Variants in MRPL35 observed in about 807,000 individuals in gnomAD.
MRPL35 encodes mitochondrial ribosomal protein L35.
MRPL35 carries 18 observed loss-of-function variants against 21.6 expected under a neutral mutation model. That is an observed-to-expected ratio of 0.83 (90% CI 0.58 to 1.24). The LOEUF (loss-of-function observed/expected upper bound fraction) is 1.24. Among genes scored for constraint, MRPL35 ranks in the 50% most tolerant of loss-of-function variants. MRPL35 has a pLI of 0.00. For missense variants in MRPL35, 223 were observed against 223.2 expected (o/e 1.00, Z 0.01); for synonymous variants, 87 against 86.9 (o/e 1.00, Z -0.01).
At position 86,210,648 on chromosome 2, in the gene MRPL35, C is replaced by T. The variant is rs372740878; in HGVS notation, c.547C>T (p.Arg183Ter). The change falls in exon 4 of 4, where the codon CGA becomes TGA. Residue 183 changes from arginine (R) to a stop codon, truncating the protein, a stop_gained. Coordinates refer to ENST00000337109, the MANE Select transcript of MRPL35 (RefSeq NM_016622.4). LOFTEE classifies it high-confidence loss of function. ...VDDPYQKYHD[R>*]TNLKV The stretch of plus-strand genomic sequence containing the variant: ...TGATCCTTATCAGAAGTATCATGAT[C>T]GAACAAACCTGAAAGTATAGATCAG... The T allele has an allele frequency of 6.8e-6, 11 of 1,611,524 alleles. No homozygotes were observed. Among genetic ancestry groups the T allele is most frequent in the Admixed American group, 5.1e-5 (3 of 59,368 alleles).
Position 86,211,112 on chromosome 2 carries a change from T to A in MRPL35, c.*444T>A. The A allele has an allele frequency of 1.0e-6, 1 of 987,496 alleles. No individual in the cohort carries two copies. 61.2% of individuals were successfully genotyped at this position (987,496 alleles called of 1,614,324 possible). A position where few individuals can be genotyped will look rare whatever the true frequency, so the allele number is the denominator to read the frequency against. ...AAGAGTAGAAATTGGGTGGTGCTCC[T>A]CAGCAGGGGAAGGTGGATGTTTAGG... On this transcript the variant is annotated 3_prime_UTR_variant, in exon 4 of 4. Transcript: ENST00000337109.
At position 86,213,773 on chromosome 2, in the gene MRPL35, T is replaced by A. The variant is rs1673964546; in HGVS notation, c.*3105T>A. The A allele has an allele frequency of 8.2e-7, 1 of 1,214,104 alleles. No homozygotes were observed. The highest frequency in any genetic ancestry group is 1.2e-6 in the Non-Finnish European group (1 of 859,280). 75.2% of individuals were successfully genotyped at this position (1,214,104 alleles called of 1,614,324 possible). ...GCCGATGATTTTTTTAAATGTGAAA[T>A]AAACAGTGATACTTTCAGGTTTGTA... On this transcript the variant is annotated 3_prime_UTR_variant, in exon 4 of 4. Coordinates refer to ENST00000337109, the MANE Select transcript of MRPL35 (RefSeq NM_016622.4).
At chr2:86,199,919 A>G (rs1352777371) in intron 1 of MRPL35, among the ~76,000 whole-genome samples, 3 of 152,210 alleles carry the variant, frequency 2.0e-5, no homozygotes, top group African/African-American at 4.8e-5. Context: ...CTACACCTCT[A>G]AAATGGGGGT....
chr2:86,206,708 T>A (rs970647539), intron 2 of MRPL35, among the ~76,000 whole-genome samples: 4 of 152,178 alleles, frequency 2.6e-5, no homozygotes, highest in Non-Finnish European at 5.9e-5. Flanking sequence ...CACAGCATGC[T>A]TCTGATGTTG....
Position 86,212,310 on chromosome 2 carries a change from G to A in MRPL35, c.*1642G>A. The A allele has an allele frequency of 6.4e-7, 1 of 1,569,008 alleles. No individual in the cohort carries two copies. Among genetic ancestry groups the A allele is most frequent in the Non-Finnish European group, 8.6e-7 (1 of 1,157,482 alleles). On this transcript the variant is annotated 3_prime_UTR_variant, in exon 4 of 4. Coordinates refer to ENST00000337109, the MANE Select transcript of MRPL35 (RefSeq NM_016622.4). ...TCTAAAACCAGAAGTCCAAGTGCGT[G>A]TCTACTTATGGGACCAATAAATAAA...
rs994219690 is a variant in MRPL35 at position 86,213,224 on chromosome 2, C to T, written c.*2556C>T. The T allele has an allele frequency of 2.1e-5, 21 of 1,008,016 alleles. No homozygotes were observed. Among genetic ancestry groups the T allele is most frequent in the Non-Finnish European group, 2.4e-5 (20 of 845,028 alleles). 62.4% of individuals were successfully genotyped at this position (1,008,016 alleles called of 1,614,324 possible). On this transcript the variant is annotated 3_prime_UTR_variant, in exon 4 of 4. Coordinates refer to ENST00000337109, the MANE Select transcript of MRPL35 (RefSeq NM_016622.4). Reference sequence around the variant, plus strand: ...TATAAATACTAAATAAACACTTCTTCATAACACTGTACCAATTCAGCTTTT... The same window carrying T: ...TATAAATACTAAATAAACACTTCTTTATAACACTGTACCAATTCAGCTTTT...
chr2:86,200,434 A>C (rs996287542), intron 1 of MRPL35, among the ~76,000 whole-genome samples: 2 of 152,170 alleles, frequency 1.3e-5, no homozygotes, highest in South Asian at 4.1e-4. Flanking sequence ...TCCCCTATGT[A>C]TCAAAATTCT....
At chr2:86,209,878 C>A (rs1178099734) in intron 3 of MRPL35, among the ~76,000 whole-genome samples, 1 of 152,096 alleles carries the variant, frequency 6.6e-6, no homozygotes, top group Non-Finnish European at 1.5e-5. Context: ...TATGGTGGTG[C>A]ACACTTGTGG....
In MRPL35 at chr2:86,211,998, T is replaced by TG; in HGVS notation, c.*1331dup. 1.0e-6 allele frequency: 1 copy of TG among 991,598 alleles called. No individual in the cohort carries two copies. Among genetic ancestry groups the TG allele is most frequent in the South Asian group, 4.6e-5 (1 of 21,806 alleles). The allele number at this position is 991,598 out of a possible 1,614,324, so 61.4% of individuals were successfully genotyped here. On this transcript the variant is annotated 3_prime_UTR_variant, in exon 4 of 4. Coordinates refer to ENST00000337109, the MANE Select transcript of MRPL35 (RefSeq NM_016622.4). ...GAAGCAGCACTGAGTAAAGTTCAATTGAGTGGTTACAGTCTAGGGCAGTGG... is the reference window on the plus strand; with the variant it reads ...GAAGCAGCACTGAGTAAAGTTCAATTGGAGTGGTTACAGTCTAGGGCAGTGG...
chr2:86,202,635 A>G (rs1167713740), intron 1 of MRPL35, among the ~76,000 whole-genome samples: 1 of 152,084 alleles, frequency 6.6e-6, no homozygotes, highest in Admixed American at 6.5e-5. Flanking sequence ...GCCCTATGTA[A>G]GGGCTCTCTC....
At chr2:86,199,625 C>G in intron 1 of MRPL35, 92 bp downstream of exon 1, 1 of 1,452,160 alleles carries the variant, frequency 6.9e-7, no homozygotes, top group South Asian at 1.2e-5. Flanking sequence ...GGTTAACAAG[C>G]AAAAAGGGTC....
intron 1 of MRPL35, among the ~76,000 whole-genome samples, chr2:86,205,697 C>G (rs150294278): frequency 6.6e-6 from 1 of 152,178 alleles, no homozygotes. Flanking sequence ...ATCTTTCTGT[C>G]GCCACTCTTG....
At position 86,207,174 on chromosome 2, in the gene MRPL35, T is replaced by C; in HGVS notation, c.234-9T>C. The C allele has an allele frequency of 6.3e-7, 1 of 1,580,246 alleles. No individual in the cohort carries two copies. The highest frequency in any genetic ancestry group is 2.4e-5 in the East Asian group (1 of 41,686). ...ATTACAAGCTAAAAATTTTAAAATA[T>C]ATTTTTAGAATGGCCCCCGTGCTTC... On this transcript the variant is annotated splice_polypyrimidine_tract_variant and intron_variant, in intron 2 of 3. Coordinates refer to ENST00000337109, the MANE Select transcript of MRPL35 (RefSeq NM_016622.4).
chr2:86,209,538 T>C (rs932467448), intron 3 of MRPL35, among the ~76,000 whole-genome samples: 1 of 152,246 alleles, frequency 6.6e-6, no homozygotes, highest in African/African-American at 2.4e-5. Context: ...AATACCTGTA[T>C]GGGTGTATAT....
At chr2:86,202,026 A>T (rs751366685) in intron 1 of MRPL35, among the ~76,000 whole-genome samples, 3 of 152,262 alleles carry the variant, frequency 2.0e-5, no homozygotes, top group Admixed American at 2.0e-4. Context: ...ACTAGTCTGT[A>T]TGAAAATGCC....
chr2:86,210,343 C>A, intron 3 of MRPL35, 137 bp from the exon 4 acceptor site: 1 of 280,500 alleles, frequency 3.6e-6, no homozygotes, highest in South Asian at 1.5e-4. Flanking sequence ...TTGAGAATCA[C>A]ATCTTTCCAA....
intron 1 of MRPL35, among the ~76,000 whole-genome samples, chr2:86,204,468 T>G (rs1673753184): frequency 1.3e-5 from 2 of 149,764 alleles, no homozygotes; most frequent in Admixed American, 1.3e-4. Context: ...TTTTTATACT[T>G]TAAGTTCTGA....
At chr2:86,200,077 T>C (rs1238376078) in intron 1 of MRPL35, among the ~76,000 whole-genome samples, 1 of 152,184 alleles carries the variant, frequency 6.6e-6, no homozygotes, top group South Asian at 2.1e-4. Flanking sequence ...GACTGAGAGA[T>C]AGCAGAAGTA....
rs947525466 is a variant in MRPL35 at position 86,213,126 on chromosome 2, C to T, written c.*2458C>T. The stretch of plus-strand genomic sequence containing the variant: ...GAATCTCAGTCTCACTCCTTGGGAT[C>T]CTGTGTATTTCCCTGAGTCTTCTAA... On this transcript the variant is annotated 3_prime_UTR_variant, in exon 4 of 4. Coordinates refer to ENST00000337109, the MANE Select transcript of MRPL35 (RefSeq NM_016622.4). 104 of 985,900 alleles carry T rather than the reference C, an allele frequency of 1.1e-4. No homozygotes were observed. Among genetic ancestry groups the T allele is most frequent in the Non-Finnish European group, 1.2e-4 (100 of 830,354 alleles). 61.1% of individuals were successfully genotyped at this position (985,900 alleles called of 1,614,324 possible).
Sources: allele counts gnomAD v4.1 joint callset (sites outside exome capture counted in the v4.1 genomes callset), GRCh38; gene constraint gnomAD v4.1.1; transcripts MANE v1.5; gene names NCBI Gene and HGNC (gene_info 2026-07-23, HGNC 2026-07-21).